FBXL18: variants seen among roughly 807,000 people sequenced by gnomAD.
The protein encoded by FBXL18 is F-box/LRR-repeat protein 18.
In FBXL18, 36 loss-of-function variants were observed where a neutral mutation model predicts 46.0. That is an observed-to-expected ratio of 0.78 (90% confidence interval 0.60 to 1.03). The LOEUF is 1.03. FBXL18 is among the 50% of genes least tolerant of loss of function. The pLI is 0.00. For missense variants in FBXL18, 977 were observed against 1,004.1 expected (o/e 0.97, Z 0.36); for synonymous variants, 557 against 465.3 (o/e 1.20, Z -2.54).
At chr7:5,510,384 AAATTAAAAAATT>A (rs1784501417) in intron 1 of FBXL18, among the ~76,000 whole-genome samples, 1 of 151,626 alleles carries the variant, frequency 6.6e-6, no homozygotes, top group African/African-American at 2.4e-5. Flanking sequence ...CTCTACAAAA[AAATTAAAAAATT>A]AGTTGAGCCA....
intron 1 of FBXL18, among the ~76,000 whole-genome samples, chr7:5,511,805 C>G (rs1306261806): frequency 6.6e-6 from 1 of 150,764 alleles, no homozygotes; most frequent in Non-Finnish European, 1.5e-5. Flanking sequence ...TATTACCTGC[C>G]AAAAAACATC....
In FBXL18 at chr7:5,489,867, C is replaced by T. The variant is rs1468765969; in HGVS notation, c.2000+1364G>A. On this transcript the variant is annotated intron_variant, in intron 4 of 4. Coordinates refer to ENST00000382368, the MANE Select transcript of FBXL18 (RefSeq NM_024963.6). ...GCTGCTCAGGAGGCTGAGGTTGCAA[C>T]CCAGAAAGCAGAGGTTGCAGTGAGC... The T allele has an allele frequency of 4.9e-6, 3 of 613,846 alleles. No homozygotes were observed. The African/African-American group carries it at 5.8e-5, about 12-fold the overall frequency. 38.0% of individuals were successfully genotyped at this position (613,846 alleles called of 1,614,324 possible).
intron 1 of FBXL18, among the ~76,000 whole-genome samples, chr7:5,508,602 T>C (rs955818908): frequency 2.0e-4 from 29 of 144,662 alleles, no homozygotes; most frequent in Non-Finnish European, 2.1e-4. Context: ...GAGAGAGACC[T>C]TGTCTCAAAA....
chr7:5,467,919 G>A (rs1783366240), intron 4 of FBXL18, among the ~76,000 whole-genome samples: 1 of 152,016 alleles, frequency 6.6e-6, no homozygotes, highest in African/African-American at 2.4e-5. Context: ...AGGAACCCAA[G>A]AGGCTGCACT....
chr7:5,510,661 G>A (rs1784509536), intron 1 of FBXL18, among the ~76,000 whole-genome samples: 1 of 150,758 alleles, frequency 6.6e-6, no homozygotes, highest in Non-Finnish European at 1.5e-5. Flanking sequence ...ACTCCAGCCT[G>A]GGCAACAGAG....
chr7:5,495,580 G>C (rs983396172), intron 3 of FBXL18, among the ~76,000 whole-genome samples: 2 of 152,200 alleles, frequency 1.3e-5, no homozygotes, highest in Admixed American at 6.5e-5. Context: ...ACAAAGCTGG[G>C]GGTCACGGTG....
chr7:5,472,240 C>T (rs147186663), downstream of FBXL18, among the ~76,000 whole-genome samples: 446 of 152,206 alleles, frequency 2.9e-3, 3 homozygotes, highest in African/African-American at 0.01. Context: ...TGCACTAAGA[C>T]GCACTTTCTA....
At chr7:5,457,423 C>T (rs1783188457) in intron 4 of FBXL18, among the ~76,000 whole-genome samples, 1 of 152,190 alleles carries the variant, frequency 6.6e-6, no homozygotes, top group African/African-American at 2.4e-5. Flanking sequence ...CTGAAGCCTA[C>T]CCTACCACTG....
intron 4 of FBXL18, among the ~76,000 whole-genome samples, chr7:5,467,517 G>A (rs1783361057): frequency 1.3e-5 from 2 of 151,508 alleles, no homozygotes; most frequent in African/African-American, 4.8e-5. Context: ...CCGCACCCCA[G>A]CCTGGGAGGC....
intron 3 of FBXL18, 55 bp from the exon 4 acceptor site, chr7:5,491,504 C>G: frequency 6.9e-7 from 1 of 1,450,476 alleles, no homozygotes; most frequent in East Asian, 2.5e-5. Flanking sequence ...CAGGCCAGGC[C>G]AGCTGGGCGT....
At chr7:5,502,133 A>C in intron 2 of FBXL18, 102 bp from the exon 3 acceptor site, 1 of 856,980 alleles carries the variant, frequency 1.2e-6, no homozygotes, top group Non-Finnish European at 1.8e-6. Flanking sequence ...CAGCTGCTCC[A>C]CCGGGAGGGA....
rs370165978 is a variant in FBXL18, at chr7:5,510,337, C to A, written c.18+3320G>T. Among the ~76,000 whole-genome samples the A allele has an allele frequency of 6.0e-3, 883 of 146,088 alleles. 8 individuals carry two copies. The highest frequency in any genetic ancestry group is 0.021 in the African/African-American group (824 of 39,804). The stretch of plus-strand genomic sequence containing the variant: ...AAAAAAAAAAGAAAAGAAAAAAAAA[C>A]CCAAGTTGCAGCCTGGGCAATGTGG... On this transcript the variant is annotated intron_variant, in intron 1 of 4. Coordinates refer to ENST00000382368, the MANE Select transcript of FBXL18 (RefSeq NM_024963.6).
At chr7:5,502,177 C>G in intron 2 of FBXL18, 146 bp from the exon 3 acceptor site, 3 of 642,742 alleles carry the variant, frequency 4.7e-6, no homozygotes, top group South Asian at 3.9e-5. Flanking sequence ...CCTGCCCGCA[C>G]TCTGACCTGG....
Position 5,494,063 on chromosome 7 carries a change from G to A in FBXL18, c.1782-2614C>T, listed in dbSNP as rs1190908785. ...CGAAGAGGGCAGATCACCTGAAATC[G>A]GGAGTTTGAGACCAGCCTGACCAAC... On this transcript the variant is annotated intron_variant, in intron 3 of 4. Transcript: ENST00000382368. 4.0e-5 allele frequency among the ~76,000 whole-genome samples: 6 copies of A among 151,858 alleles called. No homozygotes were observed. The South Asian group carries it at 6.2e-4, about 16-fold the overall frequency.
intron 1 of FBXL18, among the ~76,000 whole-genome samples, chr7:5,508,870 T>C (rs370765977): frequency 2.0e-5 from 3 of 152,220 alleles, no homozygotes; most frequent in East Asian, 1.9e-4. Context: ...GAATGAGAAC[T>C]TAGGGCAAAA....
chr7:5,497,733 G>C (rs1784120782), intron 3 of FBXL18, among the ~76,000 whole-genome samples: 1 of 152,224 alleles, frequency 6.6e-6, no homozygotes, highest in Non-Finnish European at 1.5e-5. Flanking sequence ...GTTTGCGAGA[G>C]ACTCAGCTCC....
chr7:5,459,851 T>A (rs556601724), intron 4 of FBXL18, among the ~76,000 whole-genome samples: 52 of 152,162 alleles, frequency 3.4e-4, no homozygotes, highest in African/African-American at 1.2e-3. Context: ...AGGCAGAGGC[T>A]GCCGTGAGCT....
At position 5,481,949 on chromosome 7, in the gene FBXL18, G is replaced by C; in HGVS notation, c.2001-18C>G. ...CCTGGAAGCTGAACCAGAGACAGGC[G>C]GTCAGCGGATTACATGGGTGGCCAC... On this transcript the variant is annotated intron_variant, in intron 4 of 4. Coordinates refer to ENST00000382368, the MANE Select transcript of FBXL18 (RefSeq NM_024963.6). The C allele has an allele frequency of 6.3e-7, 1 of 1,588,082 alleles. No individual in the cohort carries two copies. The highest frequency in any genetic ancestry group is 1.7e-5 in the Admixed American group (1 of 57,586).
At chr7:5,487,857 A>T (rs914507572) in intron 4 of FBXL18, among the ~76,000 whole-genome samples, 1 of 142,058 alleles carries the variant, frequency 7.0e-6, no homozygotes, top group Non-Finnish European at 1.5e-5. Flanking sequence ...GGTGCGGGAC[A>T]TCGGAGGGGG....
Sources: allele counts gnomAD v4.1 joint callset (sites outside exome capture counted in the v4.1 genomes callset), GRCh38; gene constraint gnomAD v4.1.1; transcripts MANE v1.5; gene names NCBI Gene and HGNC (gene_info 2026-07-23, HGNC 2026-07-21).